Variants in KCNQ5 observed in about 807,000 individuals in gnomAD.
The protein encoded by KCNQ5 is potassium voltage-gated channel subfamily Q member 5, also known as potassium voltage-gated channel subfamily KQT member 5.
A neutral mutation model predicts 98.2 loss-of-function variants in KCNQ5; 30 were observed. The observed-to-expected ratio is 0.31, with a 90% CI of 0.23 to 0.41. The LOEUF is 0.41. Among genes scored for constraint, KCNQ5 ranks in the 10% least tolerant of loss-of-function variants. The pLI is 1.00. For synonymous variants in KCNQ5, 458 were observed against 449.4 expected (o/e 1.02, Z -0.24); for missense variants, 835 against 1,182.5 (o/e 0.71, Z 4.31).
chr6:73,087,068 T>C (rs1234572017), intron 5 of KCNQ5, among the ~76,000 whole-genome samples: 1 of 152,214 alleles, frequency 6.6e-6, no homozygotes, highest in African/African-American at 2.4e-5. Context: ...TTAGAATTTA[T>C]TTTGAATTCA....
At chr6:73,161,368 T>A (rs2150494148) in intron 10 of KCNQ5, among the ~76,000 whole-genome samples, 1 of 152,360 alleles carries the variant, frequency 6.6e-6, no homozygotes, top group Non-Finnish European at 1.5e-5. Context: ...TACAGTCTGA[T>A]AGAAGAAATC....
In KCNQ5 at chr6:73,069,619, A is replaced by G. The variant is rs138241988; in HGVS notation, c.617-7703A>G. On this transcript the variant is annotated intron_variant, in intron 3 of 13. Coordinates refer to ENST00000370398, the MANE Select transcript of KCNQ5 (RefSeq NM_019842.4). ...CAGACTACTAGTATAATCATGGGTA[A>G]TAAGTGTTATGACAGGAGCATACCT... Among the ~76,000 whole-genome samples the G allele has an allele frequency of 5.6e-3, 845 of 152,236 alleles. 3 individuals are homozygous for G. The highest frequency in any genetic ancestry group is 8.1e-3 in the Non-Finnish European group (548 of 68,016).
intron 1 of KCNQ5, among the ~76,000 whole-genome samples, chr6:72,884,406 T>G (rs951408438): frequency 1.3e-5 from 2 of 151,822 alleles, no homozygotes; most frequent in African/African-American, 4.8e-5. Context: ...GCAAATACAC[T>G]TGGGAAAGAA....
At chr6:73,055,281 C>T (rs1772428964) in intron 3 of KCNQ5, 8 of 1,385,932 alleles carry the variant, frequency 5.8e-6, no homozygotes, top group African/African-American at 1.4e-5. Flanking sequence ...AGAGCGATCC[C>T]GACCTTCTGG....
intron 3 of KCNQ5, among the ~76,000 whole-genome samples, chr6:73,062,513 C>G (rs4533951): frequency 0.97 from 148,059 of 152,182 alleles, 72,139 homozygotes; most frequent in Middle Eastern, 1. Context: ...GTCATCCCCC[C>G]GGCCCCCATC....
chr6:72,981,048 T>TG (rs1582131476), intron 1 of KCNQ5, among the ~76,000 whole-genome samples: 1 of 152,188 alleles, frequency 6.6e-6, no homozygotes, highest in Non-Finnish European at 1.5e-5. Flanking sequence ...GATGTGCTGC[T>TG]GATTTGGTTT....
chr6:72,809,893 AAC>A (rs1775160786), intron 1 of KCNQ5, among the ~76,000 whole-genome samples: 1 of 152,212 alleles, frequency 6.6e-6, no homozygotes, highest in Admixed American at 6.5e-5. Context: ...GGATCCAATG[AAC>A]ACAAAATACC....
At chr6:72,970,636 G>A (rs1472982726) in intron 1 of KCNQ5, among the ~76,000 whole-genome samples, 4 of 152,096 alleles carry the variant, frequency 2.6e-5, no homozygotes. Flanking sequence ...CATGGTACTG[G>A]TACCAAAACA....
intron 2 of KCNQ5, among the ~76,000 whole-genome samples, chr6:73,035,659 C>T (rs1771380243): frequency 6.6e-6 from 1 of 152,070 alleles, no homozygotes; most frequent in Non-Finnish European, 1.5e-5. Context: ...GAGACCTCAT[C>T]CAAAGGGTGA....
At chr6:72,783,735 A>T (rs1773600369) in intron 1 of KCNQ5, among the ~76,000 whole-genome samples, 1 of 152,244 alleles carries the variant, frequency 6.6e-6, no homozygotes, top group Non-Finnish European at 1.5e-5. Context: ...TACATTAAAA[A>T]GTTCTGAATA....
chr6:72,888,987 C>G (rs1464440987), intron 1 of KCNQ5, among the ~76,000 whole-genome samples: 2 of 151,910 alleles, frequency 1.3e-5, no homozygotes, highest in Non-Finnish European at 2.9e-5. Flanking sequence ...TAGGAAGATA[C>G]AGACAATAAA....
chr6:73,174,219 G>T (rs991545350), intron 11 of KCNQ5, among the ~76,000 whole-genome samples: 3 of 152,012 alleles, frequency 2.0e-5, no homozygotes, highest in Admixed American at 6.6e-5. Flanking sequence ...CTGGTCCTCA[G>T]ATCACACTTT....
At chr6:73,129,648 A>G in intron 9 of KCNQ5, 1 of 638,528 alleles carries the variant, frequency 1.6e-6, no homozygotes. Context: ...ATTAAACAAC[A>G]TAGTACTCTC....
intron 1 of KCNQ5, among the ~76,000 whole-genome samples, chr6:72,993,991 C>G (rs1769149920): frequency 1.2e-5 from 1 of 82,398 alleles, no homozygotes; most frequent in Non-Finnish European, 2.2e-5. Flanking sequence ...GGGTCAGGGA[C>G]CCACTTGAGG....
At chr6:72,838,042 T>C (rs1007578454) in intron 1 of KCNQ5, among the ~76,000 whole-genome samples, 5 of 151,816 alleles carry the variant, frequency 3.3e-5, no homozygotes, top group Non-Finnish European at 7.4e-5. Context: ...CATGTTGGTG[T>C]GCTGCACCCA....
chr6:73,099,322 T>A (rs1774661902), intron 5 of KCNQ5, among the ~76,000 whole-genome samples: 1 of 152,066 alleles, frequency 6.6e-6, no homozygotes, highest in Admixed American at 6.5e-5. Context: ...ATAATAACAC[T>A]GAATATAAAT....
intron 1 of KCNQ5, among the ~76,000 whole-genome samples, chr6:72,697,823 A>G (rs1050736586): frequency 6.6e-6 from 1 of 152,178 alleles, no homozygotes; most frequent in Admixed American, 6.5e-5. Flanking sequence ...GATTATGGCG[A>G]TTATTTCACA....
chr6:72,948,330 T>C (rs16883089), intron 1 of KCNQ5, among the ~76,000 whole-genome samples: 26,588 of 151,822 alleles, frequency 0.18, 2,471 homozygotes, highest in East Asian at 0.25. Flanking sequence ...GTTACCATAC[T>C]TCACAGTTAA....
At chr6:72,648,132 T>C (rs2154472271) in intron 1 of KCNQ5, among the ~76,000 whole-genome samples, 1 of 152,226 alleles carries the variant, frequency 6.6e-6, no homozygotes, top group East Asian at 1.9e-4. Flanking sequence ...TCACATTATG[T>C]ACTAAAACAT....
Sources: gnomAD v4.1 joint callset for allele counts (sites outside exome capture counted in the v4.1 genomes callset) on GRCh38, gnomAD v4.1.1 for gene constraint, MANE v1.5 for transcripts, NCBI Gene and HGNC (gene_info 2026-07-23, HGNC 2026-07-21) for gene names.